Variants in PCDHGA4 observed in about 807,000 individuals in gnomAD.
The protein encoded by PCDHGA4 is protocadherin gamma-A4.
In PCDHGA4, 38 loss-of-function variants were observed where a neutral mutation model predicts 54.6. That is an observed-to-expected ratio of 0.70 (90% CI 0.54 to 0.91). The LOEUF (loss-of-function observed/expected upper bound fraction) is 0.91, where lower values mean the gene tolerates loss of function less well. Among genes scored for constraint, PCDHGA4 ranks in the 40% least tolerant of loss-of-function variants. The pLI is 0.00. For synonymous variants in PCDHGA4, 511 were observed against 512.9 expected (o/e 1.00, Z 0.05); for missense variants, 1,298 against 1,220.9 (o/e 1.06, Z -0.94).
intron 1 of PCDHGA4, chr5:141,383,273 A>C: frequency 6.2e-7 from 1 of 1,613,960 alleles, no homozygotes; most frequent in Non-Finnish European, 8.5e-7. Flanking sequence ...GAAATAATAG[A>C]TATTAATGAC....
chr5:141,489,894 G>A lies in PCDHGA4; in HGVS notation c.2515-4913G>A, dbSNP rs942456058. 33 of 1,614,204 alleles carry A rather than the reference G, an allele frequency of 2.0e-5. No individual in the cohort carries two copies. The highest frequency in any genetic ancestry group is 2.4e-5 in the Non-Finnish European group (28 of 1,180,028). Reference sequence around the variant, plus strand: ...TGGTGCTTACTGCTGTGGATGGGGGGACCCCAGCCCGCTCAGGGACCACCC... The same window carrying A: ...TGGTGCTTACTGCTGTGGATGGGGGAACCCCAGCCCGCTCAGGGACCACCC... On this transcript the variant is annotated intron_variant, in intron 1 of 3. Coordinates refer to ENST00000571252, the MANE Select transcript of PCDHGA4 (RefSeq NM_018917.4). This position sits in a 1 kb window ranked among gnomAD's most constrained non-coding sequence, Gnocchi z 4.5.
At chr5:141,402,353 GA>G (rs1261209598) in intron 1 of PCDHGA4, among the ~76,000 whole-genome samples, 2 of 151,844 alleles carry the variant, frequency 1.3e-5, no homozygotes, top group Non-Finnish European at 2.9e-5. Context: ...AATTAAAAAT[GA>G]ATGTACTTCC....
chr5:141,489,428 G>A lies in PCDHGA4; in HGVS notation c.2515-5379G>A, dbSNP rs561792279. The A allele has an allele frequency of 2.5e-5, 40 of 1,614,112 alleles. No homozygotes were observed. In the Middle Eastern group the frequency reaches 4.9e-4, roughly 20 times the overall value. ...AAGATGACAGATCTGTTGAGCCGGC[G>A]GCTGCAATTGGGCTCTGAGGAGAAT... On this transcript the variant is annotated intron_variant, in intron 1 of 3. Transcript: ENST00000571252. This position sits in a 1 kb window ranked among gnomAD's most constrained non-coding sequence, Gnocchi z 4.5.
chr5:141,356,435 G>A lies in PCDHGA4; in HGVS notation c.1328G>A (p.Arg443Lys), dbSNP rs762543172. The change falls in exon 1 of 4, where the codon AGG becomes AAG. Residue 443 changes from arginine (R) to lysine (K), a missense_variant. Transcript: ENST00000571252. ...TTGTTGACACACAGAACACTGGACAGGGAAGAAGTCTCAGAATATAACATC... is the reference window on the plus strand; with the variant it reads ...TTGTTGACACACAGAACACTGGACAAGGAAGAAGTCTCAGAATATAACATC... ...YRLLTHRTLD[R>K]EEVSEYNITV... 2 of 1,610,734 alleles carry A rather than the reference G, an allele frequency of 1.2e-6. No individual in the cohort carries two copies. The highest frequency in any genetic ancestry group is 1.7e-6 in the Non-Finnish European group (2 of 1,178,124).
chr5:141,376,250 C>A, intron 1 of PCDHGA4: 1 of 1,614,246 alleles, frequency 6.2e-7, no homozygotes, highest in Non-Finnish European at 8.5e-7. Flanking sequence ...GCACAAGTCA[C>A]GCCTGCTGCA....
intron 1 of PCDHGA4, chr5:141,400,729 A>G: frequency 1.5e-6 from 1 of 649,042 alleles, no homozygotes. Flanking sequence ...TTTACAAAGT[A>G]GTGAGAGTTT....
chr5:141,404,129 A>G (rs753217773), intron 1 of PCDHGA4: 6 of 1,613,162 alleles, frequency 3.7e-6, no homozygotes, highest in Non-Finnish European at 5.1e-6. Context: ...TCTATCTTTT[A>G]CATTAGAAAA....
At position 141,421,815 on chromosome 5, in the gene PCDHGA4, A is replaced by C. The variant is rs746563152; in HGVS notation, c.2514+64194A>C. ...ATGGGGCCAAGAATCCAGAGCTAGTACTGGAGGGAAGCCTGGACCGAGAGA... is the reference window on the plus strand; with the variant it reads ...ATGGGGCCAAGAATCCAGAGCTAGTCCTGGAGGGAAGCCTGGACCGAGAGA... On this transcript the variant is annotated intron_variant, in intron 1 of 3. Coordinates refer to ENST00000571252, the MANE Select transcript of PCDHGA4 (RefSeq NM_018917.4). 4 of 1,613,764 alleles carry C rather than the reference A, an allele frequency of 2.5e-6. No individual in the cohort carries two copies. The South Asian group carries it at 3.3e-5, about 13-fold the overall frequency.
intron 1 of PCDHGA4, chr5:141,422,968 C>A (rs766010601): frequency 6.2e-7 from 1 of 1,614,240 alleles, no homozygotes; most frequent in Non-Finnish European, 8.5e-7. Context: ...GCTGGCGCCC[C>A]GCTCTGCGGA....
chr5:141,478,724 G>T, intron 1 of PCDHGA4: 2 of 1,542,774 alleles, frequency 1.3e-6, no homozygotes, highest in Non-Finnish European at 1.8e-6. Context: ...TGGCCTGCCA[G>T]AGTGTGGTTT....
chr5:141,409,600 G>A (rs778681839), intron 1 of PCDHGA4: 1 of 1,613,764 alleles, frequency 6.2e-7, no homozygotes. Context: ...AGAACAACCC[G>A]CCAGGAGCCT....
chr5:141,385,024 C>T lies in PCDHGA4; in HGVS notation c.2514+27403C>T, dbSNP rs756021455. 5.6e-6 allele frequency: 9 copies of T among 1,614,158 alleles called. No individual in the cohort carries two copies. In the East Asian group the frequency reaches 1.1e-4, roughly 20 times the overall value. ...CTCCTGCGTCTTCCTAGCCTTCGTC[C>T]TCGTACTGCTGGCGCTCAGGCTGCG... On this transcript the variant is annotated intron_variant, in intron 1 of 3. Coordinates refer to ENST00000571252, the MANE Select transcript of PCDHGA4 (RefSeq NM_018917.4).
At chr5:141,371,133 T>A in intron 1 of PCDHGA4, 2 of 1,614,000 alleles carry the variant, frequency 1.2e-6, no homozygotes, top group Non-Finnish European at 1.7e-6. Context: ...TCAGGACATG[T>A]ACAGGGTCAA....
rs563793307 is a variant in PCDHGA4, at chr5:141,357,514, C to A, written c.2407C>A (p.Gln803Lys). The A allele has an allele frequency of 6.2e-7, 1 of 1,614,254 alleles. No individual in the cohort carries two copies. The highest frequency in any genetic ancestry group is 1.1e-5 in the South Asian group (1 of 91,088). Residue 803 changes from glutamine to lysine, a missense_variant, in exon 1 of 4, where the codon CAA becomes AAA. By Grantham distance (53) the Gln-to-Lys change is moderately conservative (BLOSUM62 1). Transcript: ENST00000571252. ...GCGGAAGAGTCACCTGATCTTCTCCCAACCCAGCTATGCAGACACGCTCAT... is the reference window on the plus strand; with the variant it reads ...GCGGAAGAGTCACCTGATCTTCTCCAAACCCAGCTATGCAGACACGCTCAT... ...DSRKSHLIFS[Q>K]PSYADTLISR...
chr5:141,388,662 A>G, intron 1 of PCDHGA4: 1 of 1,613,954 alleles, frequency 6.2e-7, no homozygotes, highest in African/African-American at 1.3e-5. Flanking sequence ...CCCGGGGACC[A>G]CGGTGCTACA....
intron 1 of PCDHGA4, chr5:141,419,684 G>A (rs1286646418): frequency 5.4e-5 from 87 of 1,612,770 alleles, no homozygotes; most frequent in Non-Finnish European, 7.3e-5. Flanking sequence ...CTACCACGTG[G>A]TGCAGGCCAG....
chr5:141,437,648 A>G (rs1291089695), intron 1 of PCDHGA4, among the ~76,000 whole-genome samples: 2 of 152,204 alleles, frequency 1.3e-5, no homozygotes, highest in African/African-American at 4.8e-5. Context: ...AGAAAAGCAA[A>G]CACATAGTTT....
intron 1 of PCDHGA4, chr5:141,399,627 C>T (rs751717107): frequency 1.2e-6 from 2 of 1,613,906 alleles, no homozygotes; most frequent in Non-Finnish European, 1.7e-6. Context: ...TGGCCTCTTA[C>T]GTGTCCATGA....
chr5:141,468,860 C>A (rs941902317), intron 1 of PCDHGA4, among the ~76,000 whole-genome samples: 16 of 151,980 alleles, frequency 1.1e-4, no homozygotes, highest in Admixed American at 4.6e-4. Context: ...AGCGAGACTC[C>A]ATCTCAAAAA....
Sources: allele counts gnomAD v4.1 joint callset (sites outside exome capture counted in the v4.1 genomes callset), GRCh38; gene constraint gnomAD v4.1.1; non-coding constraint Gnocchi (gnomAD v3.1); transcripts MANE v1.5; gene names NCBI Gene and HGNC (gene_info 2026-07-23, HGNC 2026-07-21).